Variants in ACSL3 observed in about 807,000 individuals in gnomAD.
ACSL3 encodes the protein acyl-CoA synthetase long chain family member 3.
Under a neutral mutation model 84.7 loss-of-function variants are expected in ACSL3, and 34 were observed. That is an observed-to-expected ratio of 0.40 (90% CI 0.31 to 0.53). ACSL3 has a LOEUF of 0.53. ACSL3 is among the 20% of genes least tolerant of loss of function. The pLI is 0.48. For missense variants in ACSL3, 680 were observed against 873.1 expected, an observed-to-expected ratio of 0.78 and a Z score of 2.79; for synonymous variants, 315 against 299.4, an observed-to-expected ratio of 1.05 and a Z score of -0.54.
intron 13 of ACSL3, among the ~76,000 whole-genome samples, chr2:222,929,141 TTTAC>T (rs1324114197): frequency 6.6e-6 from 1 of 152,230 alleles, no homozygotes; most frequent in Non-Finnish European, 1.5e-5. Context: ...TTGTTTTCAT[TTTAC>T]TTATTACGTA....
In ACSL3 at chr2:222,924,525, C is replaced by T; in HGVS notation, c.1222C>T (p.Leu408=). 6.2e-7 allele frequency: 1 copy of T among 1,610,758 alleles called. No homozygotes were observed. Among genetic ancestry groups the T allele is most frequent in the East Asian group, 2.2e-5 (1 of 44,676 alleles). ...VSEMSSFQRN[L]FILAYNYKME... ...TGAAATGAGTAGTTTTCAACGTAAT[C>T]TGTTTATTCTGGCCTATAATTACAA... Residue 408 remains leucine, a synonymous_variant, in exon 11 of 17, where the codon CTG becomes TTG. Transcript: ENST00000357430.
intron 1 of ACSL3, among the ~76,000 whole-genome samples, chr2:222,862,281 C>G (rs74630983): frequency 1.3e-5 from 2 of 152,176 alleles, no homozygotes; most frequent in Non-Finnish European, 2.9e-5. Context: ...GATTGGACGA[C>G]TTAGCTTGCC....
At chr2:222,908,649 A>G in intron 3 of ACSL3, 84 bp from the exon 4 acceptor site, 1 of 978,462 alleles carries the variant, frequency 1.0e-6, no homozygotes, top group Non-Finnish European at 1.5e-6. Flanking sequence ...TAGAAAAAAA[A>G]AAATCTTCAT....
chr2:222,871,132 TG>T (rs1695291683), intron 1 of ACSL3, among the ~76,000 whole-genome samples: 1 of 152,118 alleles, frequency 6.6e-6, no homozygotes, highest in South Asian at 2.1e-4. Context: ...CATCGGGACT[TG>T]GCAACTGACT....
intron 1 of ACSL3, among the ~76,000 whole-genome samples, chr2:222,874,734 C>A (rs758591833): frequency 2.0e-5 from 3 of 151,550 alleles, no homozygotes; most frequent in Non-Finnish European, 4.4e-5. Context: ...TTAATCTAGA[C>A]CTGATTTAAA....
Position 222,916,388 on chromosome 2 carries a change from G to A in ACSL3, c.448G>A (p.Gly150Arg). 1.2e-6 allele frequency: 2 copies of A among 1,613,998 alleles called. No individual in the cohort carries two copies. Among genetic ancestry groups the A allele is most frequent in the Non-Finnish European group, 8.5e-7 (1 of 1,179,928 alleles). The stretch of plus-strand genomic sequence containing the variant: ...TGTTCGAGCCTTTAATTTTGGAAAT[G>A]GATTACAGATGTTGGGTCAGAAACC... ...VFVRAFNFGN[G>R]LQMLGQKPKT... The change falls in exon 5 of 17, where the codon GGA (glycine) becomes AGA (arginine). Residue 150 changes from glycine to arginine, a missense_variant. Physicochemically the swap from Gly to Arg is moderately radical, Grantham distance 125. This residue lies in a region of ACSL3 where 333 missense variants were observed against 347.5 expected (regional missense o/e 0.96). Coordinates refer to ENST00000357430, the MANE Select transcript of ACSL3 (RefSeq NM_004457.5).
intron 8 of ACSL3, among the ~76,000 whole-genome samples, chr2:222,921,820 C>T (rs1696747465): frequency 6.6e-6 from 1 of 151,950 alleles, no homozygotes; most frequent in Non-Finnish European, 1.5e-5. Context: ...AATACAAACT[C>T]CAGTGGTAGC....
intron 2 of ACSL3, among the ~76,000 whole-genome samples, chr2:222,894,716 A>G (rs1273218671): frequency 1.3e-5 from 2 of 151,804 alleles, no homozygotes; most frequent in African/African-American, 2.4e-5. Flanking sequence ...GTAGTCAGGC[A>G]TGAAGCCAGG....
Position 222,909,062 on chromosome 2 carries a change from A to T in ACSL3, c.290A>T (p.Asn97Ile), listed in dbSNP as rs1028143554. The T allele has an allele frequency of 1.9e-6, 3 of 1,612,376 alleles. No homozygotes were observed. In the African/African-American group the frequency reaches 4.0e-5, roughly 22 times the overall value. Residue 97 changes from asparagine to isoleucine, a missense_variant, in exon 4 of 17, where the codon AAC (asparagine) becomes ATC (isoleucine). Transcript: ENST00000357430. ...TLDKVFTYAK[N>I]KFKNKRLLGT... ...GATAAAGTTTTTACATATGCAAAAA[A>T]CAAATTTAAGAACAAAAGACTCTTG...
chr2:222,868,015 TAGAAATATCTTGA>T (rs1695200749), intron 1 of ACSL3, among the ~76,000 whole-genome samples: 1 of 151,832 alleles, frequency 6.6e-6, no homozygotes, highest in Admixed American at 6.6e-5. Flanking sequence ...TCTTAAAATA[TAGAAATATCTTGA>T]ACATATTTTA....
intron 1 of ACSL3, among the ~76,000 whole-genome samples, chr2:222,874,501 G>C (rs892609292): frequency 6.6e-6 from 1 of 152,036 alleles, no homozygotes; most frequent in South Asian, 2.1e-4. Context: ...GACCAGCCTG[G>C]GCAGTATAGG....
chr2:222,885,404 A>T (rs574082977), intron 1 of ACSL3, among the ~76,000 whole-genome samples: 1 of 152,270 alleles, frequency 6.6e-6, no homozygotes, highest in African/African-American at 2.4e-5. Flanking sequence ...AAAAAATTTT[A>T]ATGTAGGAAA....
chr2:222,872,571 A>G (rs958610343), intron 1 of ACSL3, among the ~76,000 whole-genome samples: 2 of 152,194 alleles, frequency 1.3e-5, no homozygotes, highest in African/African-American at 4.8e-5. Flanking sequence ...CAAGGATAGA[A>G]TGATGAATAA....
chr2:222,924,248 G>T (rs1204869739), intron 10 of ACSL3, among the ~76,000 whole-genome samples: 7 of 152,078 alleles, frequency 4.6e-5, no homozygotes, highest in African/African-American at 1.7e-4. Context: ...ACTAATTGTG[G>T]TTCGATTTTA....
At position 222,924,543 on chromosome 2, in the gene ACSL3, A is replaced by G; in HGVS notation, c.1240A>G (p.Asn414Asp). Residue 414 changes from asparagine to aspartate, a missense_variant, in exon 11 of 17, where the codon AAT becomes GAT. Asn to Asp is a conservative substitution (Grantham distance 23, BLOSUM62 1). This residue lies in a region of ACSL3 where 347 missense variants were observed against 525.7 expected (regional missense o/e 0.66). Coordinates refer to ENST00000357430, the MANE Select transcript of ACSL3 (RefSeq NM_004457.5). ...ACGTAATCTGTTTATTCTGGCCTAT[A>G]ATTACAAAATGGAACAGATTTCAAA... is the stretch of plus-strand genomic sequence containing the variant. ...FQRNLFILAY[N>D]YKMEQISKGR... 1.2e-6 allele frequency: 2 copies of G among 1,610,984 alleles called. No homozygotes were observed. Among genetic ancestry groups the G allele is most frequent in the Non-Finnish European group, 1.7e-6 (2 of 1,178,720 alleles).
chr2:222,912,172 C>A (rs747144128), intron 4 of ACSL3, among the ~76,000 whole-genome samples: 1 of 152,300 alleles, frequency 6.6e-6, no homozygotes, highest in South Asian at 2.1e-4. Context: ...TTTCTCTTGG[C>A]CATACTCAAG....
intron 1 of ACSL3, among the ~76,000 whole-genome samples, chr2:222,878,406 CT>C (rs1448324703): frequency 2.0e-5 from 3 of 152,186 alleles, no homozygotes; most frequent in African/African-American, 7.2e-5. Context: ...AGGCCCACTG[CT>C]TGCTGTACTT....
chr2:222,916,542 T>G, intron 5 of ACSL3, 46 bp downstream of exon 5: 1 of 1,481,884 alleles, frequency 6.7e-7, no homozygotes, highest in South Asian at 1.5e-5. Flanking sequence ...TTAACTGATA[T>G]TTATTGAAAT....
intron 14 of ACSL3, 77 bp downstream of exon 14, chr2:222,930,889 G>A: frequency 7.9e-7 from 1 of 1,268,254 alleles, no homozygotes; most frequent in Non-Finnish European, 1.1e-6. Flanking sequence ...ATTTAGAGGA[G>A]GCGCTGAATA....
Sources: allele counts gnomAD v4.1 joint callset (sites outside exome capture counted in the v4.1 genomes callset), GRCh38; gene constraint gnomAD v4.1.1; regional missense constraint gnomAD v4.1.1; transcripts MANE v1.5; gene names NCBI Gene and HGNC (gene_info 2026-07-23, HGNC 2026-07-21).